The following MRPS22 variants were observed in gnomAD, a reference collection of about 807,000 sequenced individuals.
MRPS22 encodes the protein small ribosomal subunit protein mS22.
A neutral mutation model predicts 44.0 loss-of-function variants in MRPS22; 30 were observed. The observed-to-expected ratio is 0.68, with a 90% CI of 0.51 to 0.93. The LOEUF (loss-of-function observed/expected upper bound fraction) is 0.93. Among genes scored for constraint, MRPS22 ranks in the 40% least tolerant of loss-of-function variants. MRPS22 has a pLI of 0.00. For synonymous variants in MRPS22, 165 were observed against 154.4 expected (o/e 1.07, Z -0.51); for missense variants, 447 against 447.8 (o/e 1.00, Z 0.02).
chr3:139,347,072 A>C, intron 2 of MRPS22, 28 bp downstream of exon 2: 1 of 1,613,480 alleles, frequency 6.2e-7, no homozygotes, highest in South Asian at 1.1e-5. Context: ...TATTGTTAGA[A>C]TACCTTTCTT....
chr3:139,344,401 G>T (rs567456655), intron 1 of MRPS22, among the ~76,000 whole-genome samples: 1 of 152,378 alleles, frequency 6.6e-6, no homozygotes, highest in East Asian at 1.9e-4. Context: ...CAGTGCCTGA[G>T]TTCCGCTCCG....
At chr3:139,352,356 TGAGGACTGCTCAAGCAGTCCTCCCA>T in intron 5 of MRPS22, 1 of 345,042 alleles carries the variant, frequency 2.9e-6, no homozygotes, top group Non-Finnish European at 5.5e-6. Context: ...TTCCTAGAGA[TGAGGACTGCTCAAGCAGTCCTCCCA>T]CCTCAGCTTC....
intron 5 of MRPS22, 33 bp from the exon 6 acceptor site, chr3:139,352,614 A>G (rs1425209131): frequency 2.5e-6 from 4 of 1,599,726 alleles, no homozygotes; most frequent in Admixed American, 1.7e-5. Flanking sequence ...TCTTATTTTC[A>G]TGTTTCTGAA....
intron 7 of MRPS22, 41 bp downstream of exon 7, chr3:139,355,831 T>C (rs758007836): frequency 2.0e-6 from 3 of 1,470,334 alleles, no homozygotes; most frequent in African/African-American, 2.8e-5. Context: ...GTGGTGGTAA[T>C]TGAGCTGGGA....
chr3:139,354,801 G>A (rs1011855358), intron 6 of MRPS22, among the ~76,000 whole-genome samples: 15 of 152,168 alleles, frequency 9.9e-5, no homozygotes, highest in Admixed American at 6.5e-5. Context: ...CCAACTGGAA[G>A]CCAGTAGTTC....
rs761490818 is a variant in MRPS22, at chr3:139,346,960, G to A, written c.255G>A (p.Leu85=). ...VQSILTKMTG[L]NLQKTFKPAI... is the part of the protein sequence containing the mutation. ...GCATACTCACGAAAATGACAGGCTT[G>A]AACTTGCAGAAGACTTTTAAGCCAG... Residue 85 remains leucine (L), a synonymous_variant, in exon 2 of 8, where the codon TTG becomes TTA. Coordinates refer to ENST00000680020, the MANE Select transcript of MRPS22 (RefSeq NM_020191.4). 1 of 1,614,206 alleles carries A rather than the reference G, an allele frequency of 6.2e-7. No homozygotes were observed. Among genetic ancestry groups the A allele is most frequent in the Non-Finnish European group, 8.5e-7 (1 of 1,180,026 alleles).
chr3:139,344,291 C>G, intron 1 of MRPS22, 93 bp downstream of exon 1: 1 of 1,341,000 alleles, frequency 7.5e-7, no homozygotes, highest in Non-Finnish European at 1.0e-6. Context: ...GCCCCCGCGA[C>G]ACGTATCCTA....
In MRPS22 at chr3:139,345,459, T is replaced by G. The variant is rs543212335; in HGVS notation, c.172+1261T>G. On this transcript the variant is annotated intron_variant, in intron 1 of 7. Coordinates refer to ENST00000680020, the MANE Select transcript of MRPS22 (RefSeq NM_020191.4). The stretch of plus-strand genomic sequence containing the variant: ...TGGTGTTTTTTTTTTTGTTTTTTTT[T>G]TTTTTTTGTAAAATTGGGATAATCT... Among the ~76,000 whole-genome samples the G allele has an allele frequency of 2.8e-3, 422 of 149,148 alleles. 2 individuals carry two copies. Among genetic ancestry groups the G allele is most frequent in the African/African-American group, 9.7e-3 (396 of 40,984 alleles).
intron 1 of MRPS22, among the ~76,000 whole-genome samples, chr3:139,345,455 T>G (rs1168933948): frequency 4.7e-5 from 7 of 149,082 alleles, no homozygotes; most frequent in Non-Finnish European, 7.4e-5. Flanking sequence ...TTTTTGTTTT[T>G]TTTTTTTTTT....
chr3:139,348,109 T>G (rs1941079971), intron 2 of MRPS22, 51 bp from the exon 3 acceptor site: 1 of 1,581,930 alleles, frequency 6.3e-7, no homozygotes, highest in Non-Finnish European at 8.7e-7. Flanking sequence ...CAGATGATCC[T>G]TATATTATGT....
chr3:139,344,590 A>G lies in MRPS22; in HGVS notation c.172+392A>G, dbSNP rs558538740. On this transcript the variant is annotated intron_variant, in intron 1 of 7. Transcript: ENST00000680020. ...GGAAGGTCAGGGAAGGGTTCCTGGC[A>G]AATATGACCAAAGCTGAGATCTGGT... 230 of 631,606 alleles carry G rather than the reference A, an allele frequency of 3.6e-4. 1 individual carries two copies. The African/African-American group carries it at 4.0e-3, about 11-fold the overall frequency. 39.1% of individuals were successfully genotyped at this position (631,606 alleles called of 1,614,324 possible).
Position 139,344,191 on chromosome 3 carries a change from C to A in MRPS22, c.165C>A (p.Ser55=). 1 of 1,608,406 alleles carries A rather than the reference C, an allele frequency of 6.2e-7. No individual in the cohort carries two copies. Among genetic ancestry groups the A allele is most frequent in the East Asian group, 2.2e-5 (1 of 44,730 alleles). ...EMGLPRRRFS[S]EAAESGSPET... ...GGCTGCCACGCCGCCGGTTCAGCTC[C>A]GAGGCCGGTAAGTGACCTTCCGGAC... is the stretch of plus-strand genomic sequence containing the variant. Residue 55 remains serine (S), a synonymous_variant, in exon 1 of 8, where the codon TCC becomes TCA. Coordinates refer to ENST00000680020, the MANE Select transcript of MRPS22 (RefSeq NM_020191.4).
intron 6 of MRPS22, 147 bp downstream of exon 6, chr3:139,352,939 C>T (rs1400009073): frequency 3.4e-5 from 29 of 849,504 alleles, no homozygotes; most frequent in Non-Finnish European, 4.9e-5. Context: ...TTAGTATAAC[C>T]TAGCTCTCCT....
At chr3:139,349,629 A>T (rs996809049) in intron 3 of MRPS22, among the ~76,000 whole-genome samples, 1 of 152,204 alleles carries the variant, frequency 6.6e-6, no homozygotes, top group Non-Finnish European at 1.5e-5. Context: ...AAGTGATCCC[A>T]TGGCCTGGGA....
In MRPS22 at chr3:139,348,449, C is replaced by A. The variant is rs568364689; in HGVS notation, c.504+125C>A. On this transcript the variant is annotated intron_variant, in intron 3 of 7. Transcript: ENST00000680020. Reference sequence around the variant, plus strand: ...CCAGATTTCCTCTGACTGGGTGAGACCCTTCTGGAAGATATACTATATGAG... The same window carrying A: ...CCAGATTTCCTCTGACTGGGTGAGAACCTTCTGGAAGATATACTATATGAG... The A allele has an allele frequency of 5.4e-6, 5 of 927,206 alleles. No homozygotes were observed. In the South Asian group the frequency reaches 6.7e-5, roughly 12 times the overall value. The allele number at this position is 927,206 out of a possible 1,614,324, so 57.4% of individuals were successfully genotyped here.
At chr3:139,350,755 T>C (rs981287027) in intron 4 of MRPS22, 5 of 565,696 alleles carry the variant, frequency 8.8e-6, no homozygotes, top group Non-Finnish European at 1.6e-5. Flanking sequence ...CTTAATAGAA[T>C]CCTCCTTACC....
chr3:139,354,540 T>C lies in MRPS22; in HGVS notation c.879-1142T>C, dbSNP rs13094502. ...CACAATAGATTTGTGATGAACATTT[T>C]TTATTTTTTTCCCCCTGAAAAGCTT... On this transcript the variant is annotated intron_variant, in intron 6 of 7. Transcript: ENST00000680020. Among the ~76,000 whole-genome samples the C allele has an allele frequency of 5.3e-4, 80 of 152,280 alleles. 2 individuals are homozygous for C. In the South Asian group the frequency reaches 0.013, roughly 25 times the overall value.
At chr3:139,347,502 T>G (rs1055148321) in intron 2 of MRPS22, among the ~76,000 whole-genome samples, 6 of 152,356 alleles carry the variant, frequency 3.9e-5, no homozygotes, top group Admixed American at 6.5e-5. Context: ...AAAGCATTAA[T>G]ACTCGTCTTT....
chr3:139,345,008 G>A (rs555962663), intron 1 of MRPS22, among the ~76,000 whole-genome samples: 2 of 152,182 alleles, frequency 1.3e-5, no homozygotes, highest in South Asian at 4.2e-4. Context: ...GAGGAACATC[G>A]GAGTAAAAAT....
Sources: gnomAD v4.1 joint callset for allele counts (sites outside exome capture counted in the v4.1 genomes callset) on GRCh38, gnomAD v4.1.1 for gene constraint, MANE v1.5 for transcripts, NCBI Gene and HGNC (gene_info 2026-07-23, HGNC 2026-07-21) for gene names.